The following PGR variants were observed in gnomAD, a reference collection of about 807,000 sequenced individuals.
PGR encodes progesterone receptor.
In PGR, 25 loss-of-function variants were observed where a neutral mutation model predicts 76.1. The ratio of observed to expected loss-of-function variants is 0.33; its 90% CI spans 0.24 to 0.46. PGR has a LOEUF of 0.46. PGR is among the 20% of genes least tolerant of loss of function. The pLI is 1.00. For missense variants in PGR, 1,172 were observed against 1,225.3 expected, an observed-to-expected ratio of 0.96 and a Z score of 0.65; for synonymous variants, 579 against 535.0, an observed-to-expected ratio of 1.08 and a Z score of -1.14.
Position 101,127,342 on chromosome 11 carries a change from C to A in PGR, c.1637+92G>T, listed in dbSNP as rs1328139797. 7 of 964,604 alleles carry A rather than the reference C, an allele frequency of 7.3e-6. No individual in the cohort carries two copies. In the East Asian group the frequency reaches 2.3e-4, roughly 32 times the overall value. 59.8% of individuals were successfully genotyped at this position (964,604 alleles called of 1,614,324 possible). On this transcript the variant is annotated intron_variant, in intron 1 of 7. Transcript: ENST00000325455. ...GGCCGCCCCGGGGAGCGCAGCGGTG[C>A]GCTGGGGCTGGGGCTGAGGGTTGGC... is the stretch of plus-strand genomic sequence containing the variant.
intron 6 of PGR, among the ~76,000 whole-genome samples, chr11:101,048,213 T>C (rs1424937830): frequency 1.3e-5 from 2 of 152,214 alleles, no homozygotes; most frequent in African/African-American, 2.4e-5. Flanking sequence ...CTAATCTTTA[T>C]AGTTACATGT....
intron 3 of PGR, among the ~76,000 whole-genome samples, chr11:101,087,733 CA>C (rs1451896729): frequency 7.6e-6 from 1 of 132,098 alleles, no homozygotes; most frequent in Non-Finnish European, 1.6e-5. Context: ...AACAGTTGAA[CA>C]AGCAAAAAAA....
chr11:101,127,471 G>T lies in PGR; in HGVS notation c.1600C>A (p.Leu534Met). The change falls in exon 1 of 8, where the codon CTG (leucine) becomes ATG (methionine). Residue 534 changes from leucine (L) to methionine (M), a missense_variant. Around this residue, in one of 4 missense-constraint regions of PGR, gnomAD observed 893 missense variants for 785.9 expected, o/e 1.14. Transcript: ENST00000325455. ...AGATAGGGCGGGTAGACCTGCGGCA[G>T]GCCCTCCTTGAGCACGGCGGCCTGG... ...GYQAAVLKEG[L>M]PQVYPPYLNY... 6.4e-7 allele frequency: 1 copy of T among 1,560,508 alleles called. No homozygotes were observed. Among genetic ancestry groups the T allele is most frequent in the Non-Finnish European group, 8.6e-7 (1 of 1,156,608 alleles).
intron 2 of PGR, among the ~76,000 whole-genome samples, chr11:101,114,613 A>G (rs1386657154): frequency 6.6e-6 from 1 of 152,128 alleles, no homozygotes; most frequent in Non-Finnish European, 1.5e-5. Flanking sequence ...TCCTTCCTAA[A>G]TACTACTTTC....
chr11:101,085,525 TAAAAAAAAAAA>T (rs1212568882), intron 3 of PGR, among the ~76,000 whole-genome samples: 1 of 42,276 alleles, frequency 2.4e-5, no homozygotes, highest in Non-Finnish European at 3.9e-5. Flanking sequence ...CTAGAGGAAC[TAAAAAAAAAAA>T]AAAAAAAAAA....
At position 101,033,924 on chromosome 11, in the gene PGR, T is replaced by C. The variant is rs550845644; in HGVS notation, c.*5192A>G. On this transcript the variant is annotated 3_prime_UTR_variant, in exon 8 of 8. Transcript: ENST00000325455. ...ATGTATTAAGAGCAATTTCAAAAGA[T>C]AATAAAAATAAGCTATAGCATATGT... is the stretch of plus-strand genomic sequence containing the variant. 7 of 221,538 alleles carry C rather than the reference T, an allele frequency of 3.2e-5. No individual in the cohort carries two copies. The highest frequency in any genetic ancestry group is 1.3e-4 in the East Asian group (2 of 15,074). The allele number at this position is 221,538 out of a possible 1,614,324, so 13.7% of individuals were successfully genotyped here.
intron 3 of PGR, among the ~76,000 whole-genome samples, chr11:101,074,082 A>G (rs891734110): frequency 6.6e-6 from 1 of 152,190 alleles, no homozygotes; most frequent in African/African-American, 2.4e-5. Flanking sequence ...CCTCAATAAA[A>G]TACTGGCAAT....
chr11:101,037,359 C>G lies in PGR; in HGVS notation c.*1757G>C, dbSNP rs533688657. On this transcript the variant is annotated 3_prime_UTR_variant, in exon 8 of 8. Transcript: ENST00000325455. The stretch of plus-strand genomic sequence containing the variant: ...TAACTTTCCTGAGTTATATGTCTTT[C>G]TTCAGCTCCAAATTCTCATAAGGCT... 1 of 216,504 alleles carries G rather than the reference C, an allele frequency of 4.6e-6. No individual in the cohort carries two copies. Among genetic ancestry groups the G allele is most frequent in the African/African-American group, 2.2e-5 (1 of 44,546 alleles). 13.4% of individuals were successfully genotyped at this position (216,504 alleles called of 1,614,324 possible). A position where few individuals can be genotyped will look rare whatever the true frequency, so the allele number is the denominator to read the frequency against.
At chr11:101,060,292 T>C (rs536383993) in intron 4 of PGR, among the ~76,000 whole-genome samples, 3 of 152,338 alleles carry the variant, frequency 2.0e-5, no homozygotes, top group African/African-American at 7.2e-5. Context: ...ACAGACTTAT[T>C]AGTTTTATTA....
At position 101,127,883 on chromosome 11, in the gene PGR, G is replaced by A. The variant is rs768786316; in HGVS notation, c.1188C>T (p.Ala396=). 5 of 1,603,942 alleles carry A rather than the reference G, an allele frequency of 3.1e-6. No homozygotes were observed. Among genetic ancestry groups the A allele is most frequent in the East Asian group, 2.2e-5 (1 of 44,488 alleles). The change falls in exon 1 of 8, where the codon GCC becomes GCT. Residue 396 remains alanine, a synonymous_variant. Coordinates refer to ENST00000325455, the MANE Select transcript of PGR (RefSeq NM_000926.4). ...KIKEEEEGAE[A]SARSPRSYLV... ...GGTAGGAACGCGGGGAGCGCGCGGA[G>A]GCCTCCGCGCCTTCCTCCTCCTCCT... is the stretch of plus-strand genomic sequence containing the variant.
chr11:101,070,572 T>C (rs73571762), intron 3 of PGR, among the ~76,000 whole-genome samples: 4,357 of 152,248 alleles, frequency 0.029, 172 homozygotes, highest in African/African-American at 0.094. Context: ...TGAGATTCAC[T>C]GGCTTGAAAT....
intron 3 of PGR, 54 bp downstream of exon 3, chr11:101,091,706 G>A (rs1861679899): frequency 2.1e-6 from 2 of 954,444 alleles, no homozygotes; most frequent in Admixed American, 3.4e-5. Flanking sequence ...CTGACACACA[G>A]TTTTATAGTA....
Position 101,062,528 on chromosome 11 carries a change from A to G in PGR, c.2131T>C (p.Ser711Pro), listed in dbSNP as rs745858449. 6.2e-7 allele frequency: 1 copy of G among 1,614,000 alleles called. No homozygotes were observed. The highest frequency in any genetic ancestry group is 2.2e-5 in the East Asian group (1 of 44,870). The change falls in exon 4 of 8, where the codon TCC (serine) becomes CCC (proline). Residue 711 changes from serine to proline, a missense_variant. Around this residue, in one of 4 missense-constraint regions of PGR, gnomAD observed 166 missense variants for 296.0 expected, o/e 0.56. Coordinates refer to ENST00000325455, the MANE Select transcript of PGR (RefSeq NM_000926.4). ...TTAAGACTTGTCAGCAAAGAACTGG[A>G]GGTGTCAGGTTTTGTGTTGTCATGT... is the stretch of plus-strand genomic sequence containing the variant. ...AGHDNTKPDT[S>P]SSLLTSLNQL... is the part of the protein sequence containing the mutation.
rs10556132 is a variant in PGR, at chr11:101,064,331, C to CAAAAAAAAAAAAAAAAAAA, written c.1907-1598_1907-1580dup. Among the ~76,000 whole-genome samples the CAAAAAAAAAAAAAAAAAAA allele has an allele frequency of 1.8e-4, 7 of 39,448 alleles. 1 individual carries two copies. Among genetic ancestry groups the CAAAAAAAAAAAAAAAAAAA allele is most frequent in the African/African-American group, 6.9e-4 (5 of 7,246 alleles). The allele number at this position is 39,448 out of a possible 152,430, so 25.9% of individuals were successfully genotyped here. A position where few individuals can be genotyped will look rare whatever the true frequency, so the allele number is the denominator to read the frequency against. ...AGGTGACAAGGGAGAAACTCCACCT[C>CAAAAAAAAAAAAAAAAAAA]AAAAAAAAAAAAAAAAAAAAAAAAA... On this transcript the variant is annotated intron_variant, in intron 3 of 7. Coordinates refer to ENST00000325455, the MANE Select transcript of PGR (RefSeq NM_000926.4).
In PGR at chr11:101,029,959, C is replaced by A; in HGVS notation, c.*9157G>T. The stretch of plus-strand genomic sequence containing the variant: ...CCAGGGACCCAGCCCCAGGCATACA[C>A]AGATGAAAGGACAGTTTCACCTTCT... On this transcript the variant is annotated 3_prime_UTR_variant, in exon 8 of 8. Coordinates refer to ENST00000325455, the MANE Select transcript of PGR (RefSeq NM_000926.4). 1 of 225,502 alleles carries A rather than the reference C, an allele frequency of 4.4e-6. No homozygotes were observed. The highest frequency in any genetic ancestry group is 8.8e-6 in the Non-Finnish European group (1 of 113,220). 14.0% of individuals were successfully genotyped at this position (225,502 alleles called of 1,614,324 possible). A position where few individuals can be genotyped will look rare whatever the true frequency, so the allele number is the denominator to read the frequency against.
Position 101,029,909 on chromosome 11 carries a change from G to A in PGR, c.*9207C>T. On this transcript the variant is annotated 3_prime_UTR_variant, in exon 8 of 8. Coordinates refer to ENST00000325455, the MANE Select transcript of PGR (RefSeq NM_000926.4). ...TGCCCACTAGCACCTAGTTTTTACA[G>A]CTTTGCATTGTCACCCCATCACTGC... is the stretch of plus-strand genomic sequence containing the variant. 4.5e-6 allele frequency: 1 copy of A among 224,518 alleles called. No homozygotes were observed. 13.9% of individuals were successfully genotyped at this position (224,518 alleles called of 1,614,324 possible).
chr11:101,052,465 G>A (rs551879729), intron 4 of PGR, among the ~76,000 whole-genome samples: 94 of 152,186 alleles, frequency 6.2e-4, no homozygotes, highest in Admixed American at 1.5e-3. Flanking sequence ...CAATTCTCAA[G>A]GGAAGATCAC....
intron 2 of PGR, among the ~76,000 whole-genome samples, chr11:101,102,873 T>TGGGGGGGGGGGGGGGGGGGGGGGGGG (rs1273448641): frequency 1.6e-5 from 1 of 62,996 alleles, no homozygotes; most frequent in African/African-American, 6.0e-5. Flanking sequence ...TGGGGGGGGT[T>TGGGGGGGGGGGGGGGGGGGGGGGGGG]GGGGGAAGCG....
rs959892042 is a variant in PGR, at chr11:101,059,302, A to G, written c.2212+3145T>C. Among the ~76,000 whole-genome samples, 9 of 151,906 alleles carry G rather than the reference A, an allele frequency of 5.9e-5. 1 individual carries two copies. Among genetic ancestry groups the G allele is most frequent in the Admixed American group, 2.6e-4 (4 of 15,234 alleles). On this transcript the variant is annotated intron_variant, in intron 4 of 7. Coordinates refer to ENST00000325455, the MANE Select transcript of PGR (RefSeq NM_000926.4). ...GTATCTTATATCACTTTCACATAAC[A>G]CTATAGTTGTTTGGGTATCTTCTCT...
Sources: gnomAD v4.1 joint callset for allele counts (sites outside exome capture counted in the v4.1 genomes callset) on GRCh38, gnomAD v4.1.1 for gene constraint, gnomAD v4.1.1 regional missense constraint, MANE v1.5 for transcripts, NCBI Gene and HGNC (gene_info 2026-07-23, HGNC 2026-07-21) for gene names.